Variants in COL19A1 observed in about 807,000 individuals in gnomAD.
The protein encoded by COL19A1 is collagen alpha-1(XIX) chain.
A neutral mutation model predicts 190.2 loss-of-function variants in COL19A1; 159 were observed. That is an observed-to-expected ratio of 0.84 (90% CI 0.73 to 0.95). The LOEUF (loss-of-function observed/expected upper bound fraction) is 0.95. Ranked by LOEUF, COL19A1 falls within the 40% of genes least tolerant of loss-of-function variation. The probability of loss-of-function intolerance (pLI) is 0.00; values close to 1 mark genes in which losing one functional copy is unlikely to be tolerated. For synonymous variants in COL19A1, 509 were observed against 458.9 expected, an observed-to-expected ratio of 1.11 and a Z score of -1.39; for missense variants, 1,418 against 1,431.9, an observed-to-expected ratio of 0.99 and a Z score of 0.16.
intron 11 of COL19A1, among the ~76,000 whole-genome samples, chr6:70,016,506 A>G (rs1778115974): frequency 6.7e-6 from 1 of 149,124 alleles, no homozygotes; most frequent in Admixed American, 6.7e-5. Context: ...GTGTACGTTA[A>G]ATATGTGAAA....
At chr6:70,150,210 A>T (rs1317393477) in intron 30 of COL19A1, among the ~76,000 whole-genome samples, 165 bp downstream of exon 30, 2 of 152,152 alleles carry the variant, frequency 1.3e-5, no homozygotes, top group Non-Finnish European at 2.9e-5. Flanking sequence ...TTCAGGCTGG[A>T]TCAGCATTTC....
intron 4 of COL19A1, among the ~76,000 whole-genome samples, chr6:69,908,465 G>T (rs934477300): frequency 2.0e-5 from 3 of 152,014 alleles, no homozygotes; most frequent in Non-Finnish European, 4.4e-5. Context: ...TTGCAGTTTG[G>T]CATACCAAGA....
intron 30 of COL19A1, 21 bp from the exon 31 acceptor site, chr6:70,151,376 G>T (rs1248386546): frequency 1.2e-6 from 2 of 1,611,428 alleles, no homozygotes; most frequent in East Asian, 2.2e-5. Context: ...CATGTATTTG[G>T]TTTTATCTTC....
intron 18 of COL19A1, chr6:70,131,230 G>A (rs1284556530): frequency 1.6e-5 from 4 of 253,872 alleles, no homozygotes; most frequent in African/African-American, 4.6e-5. Flanking sequence ...ATACTCTGAG[G>A]GAATGTGGCC....
intron 48 of COL19A1, among the ~76,000 whole-genome samples, chr6:70,195,159 A>ATG (rs923194708): frequency 8.8e-5 from 13 of 147,944 alleles, no homozygotes; most frequent in African/African-American, 3.2e-4. Context: ...ATATATATAT[A>ATG]TATAAAGAGT....
intron 11 of COL19A1, among the ~76,000 whole-genome samples, chr6:69,981,032 T>C (rs1361199578): frequency 2.6e-5 from 4 of 152,232 alleles, no homozygotes; most frequent in Non-Finnish European, 5.9e-5. Flanking sequence ...ATGCATGTGA[T>C]GGCCTTTATT....
chr6:70,092,846 C>A (rs1469832338), intron 15 of COL19A1, among the ~76,000 whole-genome samples: 1 of 152,118 alleles, frequency 6.6e-6, no homozygotes, highest in Non-Finnish European at 1.5e-5. Context: ...TAATTGAAAT[C>A]AAGATATCCA....
At chr6:69,949,400 G>C (rs917729296) in intron 9 of COL19A1, among the ~76,000 whole-genome samples, 1 of 151,748 alleles carries the variant, frequency 6.6e-6, no homozygotes, top group African/African-American at 2.4e-5. Context: ...CCTCAATAGT[G>C]TTTTCTCGCT....
At chr6:69,948,306 A>C (rs1773937881) in intron 9 of COL19A1, among the ~76,000 whole-genome samples, 1 of 151,884 alleles carries the variant, frequency 6.6e-6, no homozygotes, top group Admixed American at 6.6e-5. Context: ...TTACACAATA[A>C]ATTATGGCAT....
intron 15 of COL19A1, among the ~76,000 whole-genome samples, chr6:70,096,540 T>C (rs1783287055): frequency 6.6e-6 from 1 of 152,120 alleles, no homozygotes; most frequent in Non-Finnish European, 1.5e-5. Context: ...ATAAGTACCA[T>C]TTTACATCAA....
intron 42 of COL19A1, among the ~76,000 whole-genome samples, chr6:70,178,500 C>T (rs12192464): frequency 0.42 from 64,389 of 152,046 alleles, 13,843 homozygotes; most frequent in Middle Eastern, 0.49. Context: ...GGCCCTTCTG[C>T]GGCTCAGAAG....
chr6:69,993,673 G>A (rs1776745210), intron 11 of COL19A1, among the ~76,000 whole-genome samples: 1 of 152,088 alleles, frequency 6.6e-6, no homozygotes, highest in Admixed American at 6.5e-5. Flanking sequence ...TTTCTTTCTG[G>A]TTCAATCTTG....
rs1213856412 is a variant in COL19A1, at chr6:70,121,933, G to A, written c.1332G>A (p.Lys444=). 1.0e-5 allele frequency: 16 copies of A among 1,578,830 alleles called. No homozygotes were observed. Among genetic ancestry groups the A allele is most frequent in the Non-Finnish European group, 1.4e-5 (16 of 1,163,160 alleles). ...AAACTCTTGGTGGATATTATAACAA[G>A]GATAACAAGGTATGGCTTCTTTTTT... ...IHQTLGGYYN[K]DNKGNDEHEA... The change falls in exon 17 of 51, where the codon AAG becomes AAA. Residue 444 remains lysine, a synonymous_variant. Transcript: ENST00000620364.
intron 40 of COL19A1, 74 bp from the exon 41 acceptor site, chr6:70,171,889 AT>A (rs1562241925): frequency 6.9e-7 from 1 of 1,445,538 alleles, no homozygotes; most frequent in Non-Finnish European, 9.7e-7. Flanking sequence ...AAGCAAAAAA[AT>A]CTTTGCTTTG....
chr6:70,093,416 A>G (rs1175037792), intron 15 of COL19A1, among the ~76,000 whole-genome samples: 2 of 152,110 alleles, frequency 1.3e-5, no homozygotes, highest in African/African-American at 4.8e-5. Flanking sequence ...ATTGGCAATG[A>G]CAGGCCTAGA....
intron 40 of COL19A1, among the ~76,000 whole-genome samples, chr6:70,171,713 G>C (rs1405307994): frequency 6.6e-6 from 1 of 152,160 alleles, no homozygotes; most frequent in Non-Finnish European, 1.5e-5. Context: ...ATTCTGATTA[G>C]ATTCTCAATC....
intron 15 of COL19A1, among the ~76,000 whole-genome samples, chr6:70,080,038 C>G (rs999362396): frequency 2.0e-5 from 3 of 152,004 alleles, no homozygotes; most frequent in Admixed American, 6.6e-5. Context: ...AGCATCTTTA[C>G]CTTGAGGACA....
chr6:70,105,166 T>C (rs1326849729), intron 16 of COL19A1, among the ~76,000 whole-genome samples: 1 of 152,162 alleles, frequency 6.6e-6, no homozygotes, highest in Non-Finnish European at 1.5e-5. Context: ...CCCAATTTGT[T>C]AGAAAAATTA....
At chr6:69,879,919 G>T in intron 2 of COL19A1, 1 of 476,382 alleles carries the variant, frequency 2.1e-6, no homozygotes. Context: ...ACATGCATGT[G>T]TGCCTCTGTG....
Sources: gnomAD v4.1 joint callset for allele counts (sites outside exome capture counted in the v4.1 genomes callset) on GRCh38, gnomAD v4.1.1 for gene constraint, MANE v1.5 for transcripts, NCBI Gene and HGNC (gene_info 2026-07-23, HGNC 2026-07-21) for gene names.